The following NONO variants were observed in gnomAD, a reference collection of about 807,000 sequenced individuals.
NONO encodes non-POU domain containing octamer binding.
A neutral mutation model predicts 40.2 loss-of-function variants in NONO; 6 were observed. The ratio of observed to expected loss-of-function variants is 0.15; its 90% confidence interval spans 0.08 to 0.29. The LOEUF (loss-of-function observed/expected upper bound fraction) is 0.29, where lower values mean the gene tolerates loss of function less well. NONO is among the 10% of genes least tolerant of loss of function. The pLI, the probability that NONO is intolerant of heterozygous loss-of-function variation, is 1.00. For synonymous variants in NONO, 89 were observed against 123.3 expected (o/e 0.72, Z 1.85); for missense variants, 133 against 397.8 (o/e 0.33, Z 5.66).
chrX:71,299,083 G>A (rs1247220442), intron 11 of NONO, among the ~76,000 whole-genome samples: 2 of 111,672 alleles, frequency 1.8e-5, no homozygotes, highest in Non-Finnish European at 3.8e-5. Flanking sequence ...CACCATGCCC[G>A]GCTAATTTTT....
chrX:71,288,776 G>A (rs779977841), intron 2 of NONO, among the ~76,000 whole-genome samples: 2 of 112,714 alleles, frequency 1.8e-5, no homozygotes, highest in Non-Finnish European at 3.7e-5. Context: ...TGTACTGTAT[G>A]CCAGTAGTGA....
intron 4 of NONO, chrX:71,293,958 T>C (rs1026783989): frequency 1.2e-5 from 4 of 343,373 alleles, no homozygotes; most frequent in Non-Finnish European, 2.0e-5. Context: ...GATGATCTGT[T>C]GTCATTGGGA....
rs762522522 is a variant in NONO at position 71,290,402 on chromosome X, T to C, written c.-9-227T>C. On this transcript the variant is annotated intron_variant, in intron 2 of 11. Coordinates refer to ENST00000276079, the MANE Select transcript of NONO (RefSeq NM_007363.5). The stretch of plus-strand genomic sequence containing the variant: ...CCTTTTTTGTTTGATTTTTACTATA[T>C]TTTGTAACCTCCAGAACGCAAGATT... 7.1e-5 allele frequency among the ~76,000 whole-genome samples: 8 copies of C among 111,916 alleles called. No individual in the cohort carries two copies. The South Asian group carries it at 2.9e-3, about 41-fold the overall frequency.
intron 11 of NONO, 109 bp downstream of exon 11, chrX:71,298,925 T>TA: frequency 1.8e-6 from 1 of 546,361 alleles, no homozygotes; most frequent in Non-Finnish European, 2.9e-6. Context: ...TAGATAGCAG[T>TA]CTTTTTTTTT....
chrX:71,296,996 A>G lies in NONO; in HGVS notation c.892A>G (p.Met298Val). 1 of 1,207,382 alleles carries G rather than the reference A, an allele frequency of 8.3e-7. No individual in the cohort carries two copies. The highest frequency in any genetic ancestry group is 1.1e-6 in the Non-Finnish European group (1 of 893,061). The change falls in exon 7 of 12, where the codon ATG becomes GTG. Residue 298 changes from methionine (M) to valine (V), a missense_variant. This residue lies in a region of NONO where 73 missense variants were observed against 162.2 expected (regional missense o/e 0.45). Transcript: ENST00000276079. ...CAAGGAGGCTCGTGAGAAGCTGGAG[A>G]TGGAGATGGAAGCTGCACGCCATGA... ...NIKEAREKLE[M>V]EMEAARHEHQ...
Position 71,299,541 on chromosome X carries a change from T to A in NONO, c.1282-401T>A, listed in dbSNP as rs749351886. Among the ~76,000 whole-genome samples, 5 of 112,677 alleles carry A rather than the reference T, an allele frequency of 4.4e-5. 1 individual carries two copies. The South Asian group carries it at 1.1e-3, about 25-fold the overall frequency. On this transcript the variant is annotated intron_variant, in intron 11 of 11. Coordinates refer to ENST00000276079, the MANE Select transcript of NONO (RefSeq NM_007363.5). Reference sequence around the variant, plus strand: ...TCCAAATACTTCATGGCTCATGCAATCCTGGGGTTGTTTTGGTTATGGTGT... The same window carrying A: ...TCCAAATACTTCATGGCTCATGCAAACCTGGGGTTGTTTTGGTTATGGTGT...
chrX:71,293,748 C>T (rs551654626), intron 4 of NONO, among the ~76,000 whole-genome samples: 1 of 110,092 alleles, frequency 9.1e-6, no homozygotes, highest in South Asian at 3.9e-4. Context: ...TCTCCTGCCT[C>T]AGCCTCTGGA....
intron 11 of NONO, among the ~76,000 whole-genome samples, 177 bp from the exon 12 acceptor site, chrX:71,299,765 G>C (rs1294516068): frequency 9.0e-6 from 1 of 111,010 alleles, no homozygotes; most frequent in African/African-American, 3.3e-5. Flanking sequence ...ACAGGCATGC[G>C]CCACCACTTT....
chrX:71,291,997 C>CATGT, intron 4 of NONO, 25 bp downstream of exon 4: 1 of 1,077,189 alleles, frequency 9.3e-7, no homozygotes, highest in East Asian at 3.1e-5. Context: ...GCTTTTGAGG[C>CATGT]ATGTGCTCTA....
At chrX:71,295,473 C>G (rs1182102816) in intron 5 of NONO, among the ~76,000 whole-genome samples, 2 of 104,332 alleles carry the variant, frequency 1.9e-5, no homozygotes, top group African/African-American at 3.5e-5. Flanking sequence ...GGCAAGAGAA[C>G]AAGACTCCGT....
intron 7 of NONO, 89 bp downstream of exon 7, chrX:71,297,136 C>T: frequency 2.4e-6 from 2 of 845,160 alleles, no homozygotes; most frequent in South Asian, 5.4e-5. Context: ...GAAGGGCCTA[C>T]ATCTCTGCTT....
chrX:71,293,767 A>G (rs2031376656), intron 4 of NONO, among the ~76,000 whole-genome samples: 1 of 109,419 alleles, frequency 9.1e-6, no homozygotes, highest in Non-Finnish European at 1.9e-5. Context: ...GAGTAGCTGG[A>G]ACTACCAGTG....
chrX:71,289,453 G>A (rs760188784), intron 2 of NONO, among the ~76,000 whole-genome samples: 4 of 109,435 alleles, frequency 3.7e-5, no homozygotes, highest in African/African-American at 1.0e-4. Flanking sequence ...CACCACGCCC[G>A]GCTAATTTTT....
rs561393091 is a variant in NONO at position 71,284,634 on chromosome X, C to T, written c.-10+181C>T. 6.7e-4 allele frequency among the ~76,000 whole-genome samples: 75 copies of T among 111,968 alleles called. 2 individuals carry two copies. In the South Asian group the frequency reaches 0.026, roughly 38 times the overall value. On this transcript the variant is annotated intron_variant, in intron 2 of 11. Coordinates refer to ENST00000276079, the MANE Select transcript of NONO (RefSeq NM_007363.5). ...ATCTGGCAACTCTAGTGGGGGGGCC[C>T]TGGTTATATTTATACTGTGTCCTTG...
At position 71,291,662 on chromosome X, in the gene NONO, G is replaced by T. The variant is rs1053256648; in HGVS notation, c.155-117G>T. ...TGGTTAGGTTGCCTTGGGAAATGGT[G>T]TTTACATTCTCTACAACAATTAATG... On this transcript the variant is annotated intron_variant, in intron 3 of 11. Coordinates refer to ENST00000276079, the MANE Select transcript of NONO (RefSeq NM_007363.5). The T allele has an allele frequency of 1.6e-5, 9 of 580,516 alleles. No homozygotes were observed. In the African/African-American group the frequency reaches 1.6e-4, roughly 11 times the overall value. 47.8% of individuals were successfully genotyped at this position (580,516 alleles called of 1,213,427 possible).
intron 2 of NONO, among the ~76,000 whole-genome samples, chrX:71,285,851 A>G (rs758780343): frequency 6.2e-5 from 7 of 112,280 alleles, no homozygotes; most frequent in South Asian, 3.6e-4. Flanking sequence ...CAGGTGTCCA[A>G]CACAATAGGG....
chrX:71,290,562 C>T, intron 2 of NONO, 67 bp from the exon 3 acceptor site: 1 of 922,432 alleles, frequency 1.1e-6, no homozygotes, highest in Non-Finnish European at 1.6e-6. Flanking sequence ...ACATATAAGT[C>T]ATCAGGAAGG....
At chrX:71,287,682 A>T (rs1360058717) in intron 2 of NONO, among the ~76,000 whole-genome samples, 1 of 107,376 alleles carries the variant, frequency 9.3e-6, no homozygotes, top group African/African-American at 3.4e-5. Flanking sequence ...CACCCAGCCT[A>T]TTTTTTTCTC....
intron 2 of NONO, among the ~76,000 whole-genome samples, chrX:71,287,090 T>A (rs2148027763): frequency 8.9e-6 from 1 of 112,483 alleles, no homozygotes; most frequent in Non-Finnish European, 1.9e-5. Flanking sequence ...GTGTTTATAA[T>A]TATTTTTTGA....
Sources: allele counts gnomAD v4.1 joint callset (sites outside exome capture counted in the v4.1 genomes callset), GRCh38; gene constraint gnomAD v4.1.1; regional missense constraint gnomAD v4.1.1; transcripts MANE v1.5; gene names NCBI Gene and HGNC (gene_info 2026-07-23, HGNC 2026-07-21).